Variants in DTNA observed in about 807,000 individuals in gnomAD.
DTNA encodes the protein dystrophin-related protein 3.
A neutral mutation model predicts 100.7 loss-of-function variants in DTNA; 43 were observed. The observed-to-expected ratio is 0.43, with a 90% CI of 0.33 to 0.55. The LOEUF (loss-of-function observed/expected upper bound fraction) is 0.55, where lower values mean the gene tolerates loss of function less well. Ranked by LOEUF, DTNA falls within the 20% of genes least tolerant of loss-of-function variation. The pLI, the probability that DTNA is intolerant of heterozygous loss-of-function variation, is 0.04. For synonymous variants in DTNA, 349 were observed against 347.9 expected (o/e 1.00, Z -0.04); for missense variants, 798 against 953.9 (o/e 0.84, Z 2.15).
At chr18:34,702,043 A>G (rs2081445190) in intron 1 of DTNA, among the ~76,000 whole-genome samples, 1 of 152,200 alleles carries the variant, frequency 6.6e-6, no homozygotes, top group Non-Finnish European at 1.5e-5. Flanking sequence ...TAAATTTCAG[A>G]ATCCCTAACA....
intron 1 of DTNA, among the ~76,000 whole-genome samples, chr18:34,583,425 T>C (rs1236802393): frequency 1.3e-5 from 2 of 151,770 alleles, no homozygotes; most frequent in African/African-American, 4.8e-5. Flanking sequence ...TGCTAAAGAG[T>C]GAAGGCAGAG....
chr18:34,626,535 A>C (rs1408297276), intron 1 of DTNA, among the ~76,000 whole-genome samples: 1 of 152,206 alleles, frequency 6.6e-6, no homozygotes, highest in Admixed American at 6.5e-5. Context: ...GAGAGTTACA[A>C]ACTGGTCATT....
At chr18:34,662,048 ACT>A (rs950249713) in intron 1 of DTNA, among the ~76,000 whole-genome samples, 2 of 148,140 alleles carry the variant, frequency 1.4e-5, no homozygotes, top group African/African-American at 5.0e-5. Flanking sequence ...CATCACTATC[ACT>A]CTCTATTTTT....
At chr18:34,765,311 C>T (rs970879181) in intron 2 of DTNA, among the ~76,000 whole-genome samples, 4 of 152,166 alleles carry the variant, frequency 2.6e-5, no homozygotes, top group Non-Finnish European at 5.9e-5. Flanking sequence ...GCATGTCTTC[C>T]TCTGAGATTG....
chr18:34,546,847 T>C (rs996088482), intron 1 of DTNA, among the ~76,000 whole-genome samples: 5 of 151,972 alleles, frequency 3.3e-5, no homozygotes, highest in African/African-American at 1.2e-4. Flanking sequence ...GTAGCTGAGA[T>C]TACATGTGTG....
At chr18:34,619,940 A>G (rs570607248) in intron 1 of DTNA, among the ~76,000 whole-genome samples, 6 of 152,318 alleles carry the variant, frequency 3.9e-5, no homozygotes, top group Admixed American at 2.0e-4. Flanking sequence ...AGTTAATTGT[A>G]TCATCATGAG....
At chr18:34,733,079 C>A (rs2088692995) in intron 1 of DTNA, among the ~76,000 whole-genome samples, 1 of 152,198 alleles carries the variant, frequency 6.6e-6, no homozygotes, top group South Asian at 2.1e-4. Context: ...CCCGAAATAT[C>A]TGATCACTTC....
At chr18:34,815,577 A>C (rs1338160416) in intron 6 of DTNA, 1 of 273,430 alleles carries the variant, frequency 3.7e-6, no homozygotes, top group Non-Finnish European at 7.1e-6. Context: ...GTAAAATTCC[A>C]TGGAGAATTT....
At chr18:34,724,180 C>G (rs930604344) in intron 1 of DTNA, among the ~76,000 whole-genome samples, 1 of 152,162 alleles carries the variant, frequency 6.6e-6, no homozygotes, top group Non-Finnish European at 1.5e-5. Flanking sequence ...AATGACTTGA[C>G]AATAATTATG....
intron 1 of DTNA, among the ~76,000 whole-genome samples, chr18:34,750,389 G>GTGAAGTTTGAGAGAGC (rs1465828558): frequency 6.6e-6 from 1 of 152,152 alleles, no homozygotes; most frequent in Non-Finnish European, 1.5e-5. Context: ...GAACTTCCCA[G>GTGAAGTTTGAGAGAGC]TGAAGTTTGA....
At chr18:34,812,212 T>G in intron 6 of DTNA, 99 bp downstream of exon 6, 1 of 1,527,008 alleles carries the variant, frequency 6.5e-7, no homozygotes, top group East Asian at 2.3e-5. Flanking sequence ...CAAATTATTC[T>G]GTGTGATAGC....
intron 1 of DTNA, among the ~76,000 whole-genome samples, chr18:34,715,219 GA>G (rs34573587): frequency 0.12 from 17,889 of 150,210 alleles, 1,534 homozygotes; most frequent in African/African-American, 0.24. Flanking sequence ...ATAAAAAATA[GA>G]AAAAAAAATG....
At chr18:34,543,830 C>T (rs979404301) in intron 1 of DTNA, among the ~76,000 whole-genome samples, 3 of 152,106 alleles carry the variant, frequency 2.0e-5, no homozygotes, top group Non-Finnish European at 4.4e-5. Context: ...ACTGAAAGTG[C>T]TTTTCAACTT....
At chr18:34,554,539 A>G (rs1340616152) in intron 1 of DTNA, among the ~76,000 whole-genome samples, 1 of 151,560 alleles carries the variant, frequency 6.6e-6, no homozygotes, top group Admixed American at 6.6e-5. Flanking sequence ...ATTATTTTGA[A>G]ATATGTCCCA....
intron 1 of DTNA, among the ~76,000 whole-genome samples, chr18:34,537,357 A>C (rs1601608431): frequency 6.6e-6 from 1 of 152,012 alleles, no homozygotes; most frequent in African/African-American, 2.4e-5. Flanking sequence ...GAAAATTTGC[A>C]GTGCTGAAAA....
chr18:34,805,692 A>C (rs1291062162), intron 4 of DTNA, among the ~76,000 whole-genome samples: 2 of 152,058 alleles, frequency 1.3e-5, no homozygotes, highest in Admixed American at 1.3e-4. Context: ...ACATAAGCAC[A>C]GTTGGCTTGT....
chr18:34,553,785 T>A (rs2045719459), intron 1 of DTNA, among the ~76,000 whole-genome samples: 1 of 152,186 alleles, frequency 6.6e-6, no homozygotes, highest in African/African-American at 2.4e-5. Context: ...TACTGTAGCC[T>A]TGTATAGTTT....
At chr18:34,700,096 G>C (rs1039666444) in intron 1 of DTNA, among the ~76,000 whole-genome samples, 9 of 152,154 alleles carry the variant, frequency 5.9e-5, no homozygotes, top group Non-Finnish European at 1.0e-4. Context: ...ACAGAGAAAA[G>C]AGCTTAACTT....
At chr18:34,532,352 A>G (rs912845620) in intron 1 of DTNA, among the ~76,000 whole-genome samples, 4 of 152,074 alleles carry the variant, frequency 2.6e-5, no homozygotes, top group African/African-American at 9.7e-5. Context: ...GTTGGAAAAA[A>G]TGTGCTGGTG....
Sources: gnomAD v4.1 joint callset for allele counts (sites outside exome capture counted in the v4.1 genomes callset) on GRCh38, gnomAD v4.1.1 for gene constraint, MANE v1.5 for transcripts, NCBI Gene and HGNC (gene_info 2026-07-23, HGNC 2026-07-21) for gene names.